Variants in APOM observed in about 807,000 individuals in gnomAD.
The protein encoded by APOM is apolipoprotein M.
Under a neutral mutation model 23.5 loss-of-function variants are expected in APOM, and 24 were observed. The ratio of observed to expected loss-of-function variants is 1.02; its 90% CI spans 0.74 to 1.44. APOM has a LOEUF of 1.44. Ranked by LOEUF, APOM falls within the 40% of genes most tolerant of loss-of-function variation. APOM has a pLI of 0.00. For synonymous variants in APOM, 82 were observed against 84.1 expected, an observed-to-expected ratio of 0.97 and a Z score of 0.14; for missense variants, 200 against 233.2, an observed-to-expected ratio of 0.86 and a Z score of 0.93.
At chr6:31,654,554 A>C (rs772520123), upstream of APOM, among the ~76,000 whole-genome samples, 7 of 152,160 alleles carry the variant, frequency 4.6e-5, no homozygotes, top group Non-Finnish European at 4.4e-5. Flanking sequence ...GATGGCGTGC[A>C]CCTATACCTC....
rs1800348976 is a variant in APOM, at chr6:31,658,187, A to G, written c.*98A>G. ...CCAGCTCCAGCTCCCACTCAAGATA[A>G]TAAAGATAATTTTTCAATCCTCATC... On this transcript the variant is annotated 3_prime_UTR_variant, in exon 6 of 6. Coordinates refer to ENST00000375916, the MANE Select transcript of APOM (RefSeq NM_019101.3). 7.2e-7 allele frequency: 1 copy of G among 1,388,136 alleles called. No individual in the cohort carries two copies. Among genetic ancestry groups the G allele is most frequent in the Non-Finnish European group, 1.0e-6 (1 of 977,248 alleles). The allele number at this position is 1,388,136 out of a possible 1,614,324, so 86.0% of individuals were successfully genotyped here. A position where few individuals can be genotyped will look rare whatever the true frequency, so the allele number is the denominator to read the frequency against.
At position 31,658,186 on chromosome 6, in the gene APOM, AATAAAG is replaced by A; in HGVS notation, c.*102_*107del. The A allele has an allele frequency of 1.4e-5, 20 of 1,386,748 alleles. No homozygotes were observed. The highest frequency in any genetic ancestry group is 2.0e-5 in the Non-Finnish European group (20 of 975,946). 85.9% of individuals were successfully genotyped at this position (1,386,748 alleles called of 1,614,324 possible). A position where few individuals can be genotyped will look rare whatever the true frequency, so the allele number is the denominator to read the frequency against. On this transcript the variant is annotated 3_prime_UTR_variant, in exon 6 of 6. Transcript: ENST00000375916. ...TCCAGCTCCAGCTCCCACTCAAGAT[AATAAAG>A]ATAATTTTTCAATCCTCATCTCATT...
At chr6:31,657,184 T>C in intron 2 of APOM, 41 bp from the exon 3 acceptor site, 1 of 1,568,560 alleles carries the variant, frequency 6.4e-7, no homozygotes, top group Non-Finnish European at 8.7e-7. Flanking sequence ...ATGGTTGGGG[T>C]GATGCTCATT....
upstream of APOM, chr6:31,655,570 T>A (rs1447191117): frequency 6.3e-6 from 1 of 157,670 alleles, no homozygotes; most frequent in African/African-American, 2.4e-5. Context: ...GGGAAACAAC[T>A]GGGACTTGGG....
upstream of APOM, among the ~76,000 whole-genome samples, chr6:31,653,026 C>G (rs1016040814): frequency 3.3e-5 from 5 of 152,082 alleles, no homozygotes; most frequent in Admixed American, 6.5e-5. Context: ...GGGGGCGGCA[C>G]TGGTCAATTT....
chr6:31,653,545 A>G (rs1422863834), upstream of APOM, among the ~76,000 whole-genome samples: 1 of 152,242 alleles, frequency 6.6e-6, no homozygotes, highest in Non-Finnish European at 1.5e-5. Context: ...TTATTTTAAA[A>G]AGCCTTTTAA....
chr6:31,653,361 C>T (rs893362217), upstream of APOM, among the ~76,000 whole-genome samples: 1 of 152,166 alleles, frequency 6.6e-6, no homozygotes, highest in African/African-American at 2.4e-5. Flanking sequence ...GGGCCAAGGG[C>T]CTCGGCCCCG....
rs1397244268 is a variant in APOM, at chr6:31,657,182, G to A, written c.270-43G>A. 3.8e-6 allele frequency: 6 copies of A among 1,581,594 alleles called. No individual in the cohort carries two copies. The African/African-American group carries it at 5.4e-5, about 14-fold the overall frequency. On this transcript the variant is annotated intron_variant, in intron 2 of 5. Transcript: ENST00000375916. The stretch of plus-strand genomic sequence containing the variant: ...AAAGAAGCTGGGACACTATGGTTGG[G>A]GTGATGCTCATTCTTTCCTCCTTGC...
chr6:31,657,101 G>A (rs939775028), intron 2 of APOM, 124 bp from the exon 3 acceptor site: 4 of 868,844 alleles, frequency 4.6e-6, no homozygotes, highest in Non-Finnish European at 7.2e-6. Context: ...AGCCGAGATG[G>A]CGCCACTGCA....
upstream of APOM, chr6:31,655,880 A>C: frequency 1.2e-6 from 1 of 864,480 alleles, no homozygotes; most frequent in Admixed American, 2.1e-5. Context: ...GTCGAACGCA[A>C]GGGAGCTGAA....
intron 1 of APOM, 93 bp from the exon 2 acceptor site, chr6:31,656,379 T>C: frequency 1.5e-6 from 2 of 1,352,412 alleles, no homozygotes; most frequent in South Asian, 1.3e-5. Context: ...CCAACACCTC[T>C]ACCCCTAAAT....
intron 2 of APOM, 76 bp from the exon 3 acceptor site, chr6:31,657,149 A>C: frequency 7.0e-7 from 1 of 1,434,750 alleles, no homozygotes. Context: ...CTGTCTCAAA[A>C]AAAAAAAAAA....
At chr6:31,656,362 A>G in intron 1 of APOM, 110 bp from the exon 2 acceptor site, 1 of 1,185,372 alleles carries the variant, frequency 8.4e-7, no homozygotes, top group Non-Finnish European at 1.2e-6. Context: ...TGGAAAGAGG[A>G]AGGCAGCCAA....
At chr6:31,653,565 A>C (rs1487378849), upstream of APOM, among the ~76,000 whole-genome samples, 1 of 152,256 alleles carries the variant, frequency 6.6e-6, no homozygotes, top group Non-Finnish European at 1.5e-5. Flanking sequence ...ACGAGCTTTT[A>C]ACATTTTTTA....
chr6:31,657,657 G>A lies in APOM; in HGVS notation c.475G>A (p.Glu159Lys). ...RSPHPPEKCV[E>K]EFKSLTSCLD... ...ACCACATCCTCCCGAAAAGTGTGTG[G>A]AGGAATTCAAGTCCCTGACTTCCTG... Residue 159 changes from glutamate to lysine, a missense_variant, in exon 5 of 6, where the codon GAG becomes AAG. Physicochemically the swap from Glu to Lys is moderately conservative, Grantham distance 56 (BLOSUM62 1). Transcript: ENST00000375916. 1 of 1,613,138 alleles carries A rather than the reference G, an allele frequency of 6.2e-7. No individual in the cohort carries two copies. Among genetic ancestry groups the A allele is most frequent in the Non-Finnish European group, 8.5e-7 (1 of 1,180,026 alleles).
chr6:31,655,812 C>G, upstream of APOM: 1 of 600,790 alleles, frequency 1.7e-6, no homozygotes. Context: ...CTAAGTAATC[C>G]AGGTTTGGGT....
chr6:31,656,361 G>A (rs1343115280), intron 1 of APOM, 111 bp from the exon 2 acceptor site: 1 of 1,183,642 alleles, frequency 8.4e-7, no homozygotes, highest in Non-Finnish European at 1.2e-6. Context: ...TTGGAAAGAG[G>A]AAGGCAGCCA....
intron 5 of APOM, 150 bp from the exon 6 acceptor site, chr6:31,657,914 G>GAGGGTCATACGTGGAGGGAAAAGAGCCTT (rs1800314085): frequency 1.0e-6 from 1 of 980,412 alleles, no homozygotes; most frequent in African/African-American, 1.6e-5. Flanking sequence ...AAAGGGGGCA[G>GAGGGTCATACGTGGAGGGAAAAGAGCCTT]AGGGTCATAC....
upstream of APOM, chr6:31,652,424 C>CT (rs1271023667): frequency 6.5e-6 from 1 of 152,696 alleles, no homozygotes; most frequent in Non-Finnish European, 1.5e-5. Context: ...TCCCCCAAAC[C>CT]TGCCACCGAC....
Sources: gnomAD v4.1 joint callset for allele counts (sites outside exome capture counted in the v4.1 genomes callset) on GRCh38, gnomAD v4.1.1 for gene constraint, MANE v1.5 for transcripts, NCBI Gene and HGNC (gene_info 2026-07-23, HGNC 2026-07-21) for gene names.